The following NAV2 variants were observed in gnomAD, a reference collection of about 807,000 sequenced individuals.
NAV2 encodes neuron navigator 2.
Under a neutral mutation model 223.2 loss-of-function variants are expected in NAV2, and 54 were observed. The ratio of observed to expected loss-of-function variants is 0.24; its 90% CI spans 0.19 to 0.30. NAV2 has a LOEUF of 0.30. NAV2 is among the 10% of genes least tolerant of loss of function. The pLI, the probability that NAV2 is intolerant of heterozygous loss-of-function variation, is 1.00. For missense variants in NAV2, 2,806 were observed against 3,147.5 expected (o/e 0.89, Z 2.60); for synonymous variants, 1,279 against 1,239.3 (o/e 1.03, Z -0.67).
chr11:19,827,264 G>C (rs1353793934), intron 1 of NAV2, among the ~76,000 whole-genome samples: 5 of 152,182 alleles, frequency 3.3e-5, no homozygotes, highest in Non-Finnish European at 7.3e-5. Context: ...TTTCTGTGAA[G>C]AGCTGGTAGT....
intron 18 of NAV2, among the ~76,000 whole-genome samples, chr11:20,054,941 A>T (rs927681627): frequency 7.9e-5 from 12 of 152,242 alleles, no homozygotes; most frequent in African/African-American, 2.7e-4. Context: ...TTAGATAGCA[A>T]GCATTAGACA....
intron 1 of NAV2, among the ~76,000 whole-genome samples, chr11:19,733,162 T>A (rs2051968533): frequency 6.6e-6 from 1 of 152,212 alleles, no homozygotes; most frequent in Non-Finnish European, 1.5e-5. Context: ...AGAATAATCA[T>A]CAACAACCCT....
chr11:20,022,550 T>A (rs961705175), intron 11 of NAV2: 84 of 985,396 alleles, frequency 8.5e-5, no homozygotes, highest in Non-Finnish European at 9.8e-5. Flanking sequence ...ATTCTCTCTG[T>A]AGGCTAATCT....
At chr11:20,062,914 C>G (rs1320225755) in intron 20 of NAV2, among the ~76,000 whole-genome samples, 1 of 152,146 alleles carries the variant, frequency 6.6e-6, no homozygotes, top group Admixed American at 6.5e-5. Context: ...AGGCTGGTCT[C>G]AAACTCCTGA....
intron 1 of NAV2, among the ~76,000 whole-genome samples, chr11:19,786,676 C>A (rs1354090221): frequency 2.6e-5 from 4 of 152,160 alleles, no homozygotes; most frequent in African/African-American, 9.7e-5. Context: ...ACTGATGGAG[C>A]TTTCTTTGGG....
At chr11:19,914,494 C>T (rs1304899281) in intron 6 of NAV2, among the ~76,000 whole-genome samples, 2 of 151,794 alleles carry the variant, frequency 1.3e-5, no homozygotes, top group Admixed American at 6.6e-5. Context: ...AGGGGTTATA[C>T]GATTGCAATA....
intron 18 of NAV2, among the ~76,000 whole-genome samples, 157 bp from the exon 19 acceptor site, chr11:20,055,612 C>T (rs2058317105): frequency 1.3e-5 from 2 of 152,216 alleles, no homozygotes; most frequent in South Asian, 4.1e-4. Context: ...CGGTGTGTAA[C>T]TCAAATGCTG....
chr11:19,895,980 A>G (rs1246714668), intron 6 of NAV2, among the ~76,000 whole-genome samples: 2 of 152,002 alleles, frequency 1.3e-5, no homozygotes, highest in African/African-American at 4.8e-5. Context: ...GTGAACAGAT[A>G]AGCCACAGTT....
At chr11:19,630,225 A>C (rs2047305235) in intron 1 of NAV2, among the ~76,000 whole-genome samples, 1 of 152,152 alleles carries the variant, frequency 6.6e-6, no homozygotes, top group Admixed American at 6.5e-5. Context: ...CTGTGTCATC[A>C]ATATCTCCAT....
intron 1 of NAV2, among the ~76,000 whole-genome samples, chr11:19,597,414 A>G (rs192509371): frequency 1.4e-4 from 21 of 152,268 alleles, no homozygotes; most frequent in Admixed American, 1.3e-3. Context: ...TCTCATATTT[A>G]TGCCTTGTCT....
intron 1 of NAV2, among the ~76,000 whole-genome samples, chr11:19,372,849 T>C (rs55836428): frequency 7.2e-5 from 11 of 152,354 alleles, no homozygotes; most frequent in Non-Finnish European, 1.2e-4. Context: ...TTGGAGTTTC[T>C]AGGAAAGATT....
intron 19 of NAV2, 122 bp from the exon 20 acceptor site, chr11:20,062,185 A>G (rs976708145): frequency 3.3e-6 from 2 of 602,152 alleles, no homozygotes; most frequent in Non-Finnish European, 5.7e-6. Context: ...AGGTTGTGTC[A>G]AGGTGAGATT....
intron 1 of NAV2, among the ~76,000 whole-genome samples, chr11:19,813,744 G>A (rs1194347628): frequency 2.0e-5 from 3 of 152,182 alleles, no homozygotes; most frequent in South Asian, 2.1e-4. Flanking sequence ...GGCATGGGAC[G>A]TTGACTGCTG....
intron 1 of NAV2, among the ~76,000 whole-genome samples, chr11:19,756,235 T>C (rs534945729): frequency 6.6e-6 from 1 of 152,242 alleles, no homozygotes; most frequent in East Asian, 1.9e-4. Flanking sequence ...ACAAGGTCAT[T>C]CTAAGGGTAT....
chr11:19,927,409 C>T (rs1168939414), intron 6 of NAV2, among the ~76,000 whole-genome samples: 2 of 152,130 alleles, frequency 1.3e-5, no homozygotes, highest in Non-Finnish European at 2.9e-5. Context: ...TGGTGAAACC[C>T]CATCTCTACT....
intron 1 of NAV2, among the ~76,000 whole-genome samples, chr11:19,605,749 G>C (rs1375168879): frequency 6.6e-6 from 1 of 152,112 alleles, no homozygotes; most frequent in Non-Finnish European, 1.5e-5. Context: ...TTTTCTAAGG[G>C]CTTCTAGCAA....
intron 1 of NAV2, among the ~76,000 whole-genome samples, chr11:19,385,748 A>C (rs1849009063): frequency 9.5e-6 from 1 of 105,552 alleles, no homozygotes; most frequent in African/African-American, 4.0e-5. Flanking sequence ...TTTTCAATAT[A>C]GCTCCTTTTT....
intron 6 of NAV2, among the ~76,000 whole-genome samples, chr11:19,916,622 A>G (rs1982265): frequency 0.22 from 32,894 of 152,160 alleles, 4,290 homozygotes; most frequent in East Asian, 0.42. Context: ...CTGGAGATAA[A>G]GAGATGAATG....
intron 1 of NAV2, among the ~76,000 whole-genome samples, chr11:19,558,593 A>G (rs1037179157): frequency 1.3e-5 from 2 of 152,248 alleles, no homozygotes; most frequent in African/African-American, 4.8e-5. Flanking sequence ...CTATGGCCCA[A>G]TGGCAGCAGG....
Sources: allele counts gnomAD v4.1 joint callset (sites outside exome capture counted in the v4.1 genomes callset), GRCh38; gene constraint gnomAD v4.1.1; transcripts MANE v1.5; gene names NCBI Gene and HGNC (gene_info 2026-07-23, HGNC 2026-07-21).